SIPA1L2: variants seen among roughly 807,000 people sequenced by gnomAD.
The protein encoded by SIPA1L2 is signal induced proliferation associated 1 like 2.
In SIPA1L2, 56 loss-of-function variants were observed where a neutral mutation model predicts 163.9. The observed-to-expected ratio is 0.34, with a 90% CI of 0.28 to 0.43. The LOEUF is 0.43. Ranked by LOEUF, SIPA1L2 falls within the 20% of genes least tolerant of loss-of-function variation. The pLI, the probability that SIPA1L2 is intolerant of heterozygous loss-of-function variation, is 1.00. For synonymous variants in SIPA1L2, 877 were observed against 865.7 expected (o/e 1.01, Z -0.23); for missense variants, 1,974 against 2,193.5 (o/e 0.90, Z 2.00).
intron 1 of SIPA1L2, among the ~76,000 whole-genome samples, chr1:232,601,121 G>A (rs1661575728): frequency 6.6e-6 from 1 of 152,132 alleles, no homozygotes; most frequent in Non-Finnish European, 1.5e-5. Flanking sequence ...GACTAGTGAG[G>A]TGGCCTATTC....
At chr1:232,579,446 T>G (rs1179998800) in intron 1 of SIPA1L2, among the ~76,000 whole-genome samples, 3 of 152,172 alleles carry the variant, frequency 2.0e-5, no homozygotes, top group Non-Finnish European at 4.4e-5. Context: ...ACTAAGCACA[T>G]GCTCTGTACT....
intron 1 of SIPA1L2, among the ~76,000 whole-genome samples, chr1:232,606,448 G>A (rs948005609): frequency 9.2e-5 from 14 of 152,050 alleles, no homozygotes; most frequent in African/African-American, 2.4e-4. Context: ...GAAATAAGCC[G>A]AGAGCTTTAA....
chr1:232,479,550 C>CGTAG (rs761835063), intron 7 of SIPA1L2, 77 bp downstream of exon 7: 7 of 1,108,548 alleles, frequency 6.3e-6, no homozygotes, highest in Non-Finnish European at 8.3e-6. Context: ...GCAAGTTCTA[C>CGTAG]ATGCATCAAT....
chr1:232,466,843 A>T (rs554789345), intron 8 of SIPA1L2, among the ~76,000 whole-genome samples: 1 of 152,162 alleles, frequency 6.6e-6, no homozygotes, highest in South Asian at 2.1e-4. Context: ...GATTAAGACG[A>T]GTAAGTGAAT....
Position 232,514,932 on chromosome 1 carries a change from C to T in SIPA1L2, c.408G>A (p.Glu136=), listed in dbSNP as rs200100331. 5.6e-4 allele frequency: 896 copies of T among 1,614,076 alleles called. 2 individuals carry two copies. The highest frequency in any genetic ancestry group is 4.0e-3 in the South Asian group (360 of 91,054). The change falls in exon 3 of 23, where the codon GAG becomes GAA. Residue 136 remains glutamate (E), a synonymous_variant. Transcript: ENST00000674635. Reference sequence around the variant, plus strand: ...AGATGTCTCCGATTGTGTACTTGGCCTCCACGAAGTCCAGATCGAGCTGTT... The same window carrying T: ...AGATGTCTCCGATTGTGTACTTGGCTTCCACGAAGTCCAGATCGAGCTGTT... ...QDEQLDLDFV[E]AKYTIGDIFV... is the part of the protein sequence containing the mutation.
At chr1:232,517,225 T>G (rs2103051534) in intron 2 of SIPA1L2, among the ~76,000 whole-genome samples, 1 of 152,320 alleles carries the variant, frequency 6.6e-6, no homozygotes, top group African/African-American at 2.4e-5. Flanking sequence ...TCCTTTTATT[T>G]ATAAAATAAA....
chr1:232,570,150 CATCTTTGT>C (rs1363577510), intron 2 of SIPA1L2, among the ~76,000 whole-genome samples: 5 of 152,200 alleles, frequency 3.3e-5, no homozygotes, highest in African/African-American at 1.2e-4. Context: ...AAATTCTATT[CATCTTTGT>C]AAGGACAAGA....
At chr1:232,468,339 C>A (rs1343170776) in intron 8 of SIPA1L2, among the ~76,000 whole-genome samples, 2 of 152,148 alleles carry the variant, frequency 1.3e-5, no homozygotes, top group Non-Finnish European at 2.9e-5. Flanking sequence ...TTAATATGCA[C>A]ATGAAAGGGT....
rs1407536595 is a variant in SIPA1L2, at chr1:232,514,395, T to C, written c.945A>G (p.Arg315=). Residue 315 remains arginine, a synonymous_variant, in exon 3 of 23, where the codon CGA becomes CGG. Transcript: ENST00000674635. The part of the protein sequence containing the change: ...FKFTSELEES[R]LERGIRPWNC... The stretch of plus-strand genomic sequence containing the variant: ...TCCAAGGGCGAATGCCCCTCTCCAG[T>C]CGGCTCTCCTCCAGCTCAGACGTGA... 1.2e-6 allele frequency: 2 copies of C among 1,613,934 alleles called. No homozygotes were observed. Among genetic ancestry groups the C allele is most frequent in the Non-Finnish European group, 1.7e-6 (2 of 1,180,052 alleles).
chr1:232,441,832 T>A lies in SIPA1L2; in HGVS notation c.3474A>T (p.Ser1158=). ...QSPLLLEHQG[S]GPLECDGARE... is the part of the protein sequence containing the mutation. ...TGGCTCCGTCACATTCCAAAGGGCC[T>A]GAGCCCTGGTGTTCGAGCAGTAGAG... The change falls in exon 13 of 23, where the codon TCA becomes TCT. Residue 1158 remains serine, a synonymous_variant. Transcript: ENST00000674635. The A allele has an allele frequency of 1.2e-6, 2 of 1,613,528 alleles. No homozygotes were observed. The highest frequency in any genetic ancestry group is 1.7e-6 in the Non-Finnish European group (2 of 1,179,778).
chr1:232,437,308 C>A (rs1662622530), intron 15 of SIPA1L2, among the ~76,000 whole-genome samples: 1 of 152,090 alleles, frequency 6.6e-6, no homozygotes, highest in African/African-American at 2.4e-5. Flanking sequence ...GTTGTGCAAT[C>A]CCGAGATGGT....
intron 3 of SIPA1L2, among the ~76,000 whole-genome samples, chr1:232,505,271 C>T (rs916380548): frequency 6.6e-6 from 1 of 152,070 alleles, no homozygotes; most frequent in African/African-American, 2.4e-5. Flanking sequence ...TTAAGTGGGA[C>T]AAATAGTGAA....
At chr1:232,575,514 G>A (rs930195204) in intron 1 of SIPA1L2, among the ~76,000 whole-genome samples, 7 of 152,100 alleles carry the variant, frequency 4.6e-5, no homozygotes, top group African/African-American at 1.7e-4. Flanking sequence ...ATTTTGTGCC[G>A]TGGTTAGGAT....
intron 11 of SIPA1L2, among the ~76,000 whole-genome samples, chr1:232,444,026 T>C (rs1283475678): frequency 1.3e-5 from 2 of 152,186 alleles, no homozygotes; most frequent in Non-Finnish European, 2.9e-5. Context: ...TATGAAAACA[T>C]TACTAATTCT....
chr1:232,558,034 G>A (rs1451003049), intron 2 of SIPA1L2, among the ~76,000 whole-genome samples: 1 of 152,188 alleles, frequency 6.6e-6, no homozygotes, highest in African/African-American at 2.4e-5. Context: ...TGGAAAAAGT[G>A]ACAAGTCATA....
rs759951532 is a variant in SIPA1L2 at position 232,432,394 on chromosome 1, A to T, written c.4109T>A (p.Ile1370Asn). The change falls in exon 16 of 23, where the codon ATC (isoleucine) becomes AAC (asparagine). Residue 1370 changes from isoleucine to asparagine, a missense_variant. Coordinates refer to ENST00000674635, the MANE Select transcript of SIPA1L2 (RefSeq NM_020808.5). ...CTGTTGTCCGCTGCTGTGAGACACG[A>T]TGTAGACTTTGGATGAATCCAGAGA... Reference protein sequence around the residue: ...SGSLDSSKVYIVSHSSGQQVP... With the variant: ...SGSLDSSKVYNVSHSSGQQVP... 6.2e-7 allele frequency: 1 copy of T among 1,614,222 alleles called. No individual in the cohort carries two copies. Among genetic ancestry groups the T allele is most frequent in the Non-Finnish European group, 8.5e-7 (1 of 1,180,034 alleles).
intron 3 of SIPA1L2, 97 bp from the exon 4 acceptor site, chr1:232,493,757 T>C (rs1666044798): frequency 3.4e-6 from 5 of 1,461,220 alleles, no homozygotes; most frequent in South Asian, 2.5e-5. Context: ...TCTGAAGAAA[T>C]ACCACATAGC....
intron 2 of SIPA1L2, among the ~76,000 whole-genome samples, chr1:232,560,675 C>A (rs1239354234): frequency 6.7e-6 from 1 of 149,942 alleles, no homozygotes; most frequent in South Asian, 2.2e-4. Flanking sequence ...ATGGCCAGAC[C>A]AGGACACAGC....
intron 17 of SIPA1L2, 53 bp downstream of exon 17, chr1:232,428,350 CTTTTTTTT>C: frequency 4.8e-6 from 4 of 837,794 alleles, no homozygotes; most frequent in Middle Eastern, 4.0e-4. Context: ...TTTCTTTAGA[CTTTTTTTT>C]TTTTTTTTTT....
Sources: gnomAD v4.1 joint callset for allele counts (sites outside exome capture counted in the v4.1 genomes callset) on GRCh38, gnomAD v4.1.1 for gene constraint, MANE v1.5 for transcripts, NCBI Gene and HGNC (gene_info 2026-07-23, HGNC 2026-07-21) for gene names.